YAP1: variants seen among roughly 807,000 people sequenced by gnomAD.
YAP1 encodes Yes1 associated transcriptional regulator.
Under a neutral mutation model 56.9 loss-of-function variants are expected in YAP1, and 5 were observed. The observed-to-expected ratio is 0.09, with a 90% CI of 0.05 to 0.18. The LOEUF is 0.18. YAP1 is among the 10% of genes least tolerant of loss of function. YAP1 has a pLI of 1.00. For missense variants in YAP1, 539 were observed against 651.8 expected (o/e 0.83, Z 1.88); for synonymous variants, 265 against 248.1 (o/e 1.07, Z -0.64).
intron 3 of YAP1, among the ~76,000 whole-genome samples, chr11:102,185,214 C>A (rs1456367741): frequency 6.6e-6 from 1 of 152,112 alleles, no homozygotes; most frequent in South Asian, 2.1e-4. Context: ...GTTATTTATT[C>A]TGGGCCTCTC....
intron 1 of YAP1, 88 bp downstream of exon 1, chr11:102,111,257 C>A: frequency 6.6e-7 from 1 of 1,518,486 alleles, no homozygotes; most frequent in South Asian, 1.2e-5. Flanking sequence ...CAGCTCTGGT[C>A]AGGGGAGGGG....
At chr11:102,185,970 G>T (rs201001462) in intron 3 of YAP1, 48 bp from the exon 4 acceptor site, 1,002 of 1,496,568 alleles carry the variant, frequency 6.7e-4, no homozygotes, top group Non-Finnish European at 8.2e-4. Flanking sequence ...TTTTTTTTAG[G>T]TGCACCAAAT....
intron 2 of YAP1, among the ~76,000 whole-genome samples, chr11:102,156,094 C>T (rs1403674375): frequency 6.6e-6 from 1 of 152,094 alleles, no homozygotes; most frequent in African/African-American, 2.4e-5. Context: ...AAAGATAATA[C>T]TGCCAATGTC....
At chr11:102,180,334 C>T (rs960502939) in intron 3 of YAP1, among the ~76,000 whole-genome samples, 3 of 151,938 alleles carry the variant, frequency 2.0e-5, no homozygotes, top group African/African-American at 7.3e-5. Context: ...AAAATATATA[C>T]TCCTGTGTTC....
chr11:102,175,955 A>T (rs1947223151), intron 3 of YAP1, among the ~76,000 whole-genome samples: 1 of 152,200 alleles, frequency 6.6e-6, no homozygotes, highest in Non-Finnish European at 1.5e-5. Flanking sequence ...TAAAAATCTT[A>T]GTAGTGTGGG....
At chr11:102,113,619 T>C (rs1943100334) in intron 1 of YAP1, among the ~76,000 whole-genome samples, 1 of 152,224 alleles carries the variant, frequency 6.6e-6, no homozygotes, top group African/African-American at 2.4e-5. Context: ...ATTTGTGTAA[T>C]TTGTTATGAT....
At chr11:102,114,531 T>C in intron 2 of YAP1, 137 bp downstream of exon 2, 2 of 1,087,594 alleles carry the variant, frequency 1.8e-6, no homozygotes, top group East Asian at 2.7e-5. Flanking sequence ...TGTAGCTCTA[T>C]CTTCCATATA....
At chr11:102,127,246 A>G (rs909336519) in intron 2 of YAP1, among the ~76,000 whole-genome samples, 5 of 152,230 alleles carry the variant, frequency 3.3e-5, no homozygotes, top group African/African-American at 1.2e-4. Context: ...TCTCCAGGCC[A>G]TGTCAGAGAC....
chr11:102,158,349 G>A (rs1439942164), intron 2 of YAP1, among the ~76,000 whole-genome samples: 4 of 152,146 alleles, frequency 2.6e-5, no homozygotes, highest in Admixed American at 6.5e-5. Flanking sequence ...CTTTATCATG[G>A]ACACAAAATA....
Position 102,186,030 on chromosome 11 carries a change from A to C in YAP1, c.701A>C (p.Asp234Ala). ...TTCTGTATTATAGGTCCTCTTCCTG[A>C]TGGATGGGAACAAGCCATGACTCAG... ...MMNSASGPLP[D>A]GWEQAMTQDG... The change falls in exon 4 of 9, where the codon GAT becomes GCT. Residue 234 changes from aspartate (D) to alanine (A), a missense_variant. Asp to Ala is a moderately radical substitution (Grantham distance 126). Around this residue, in one of 4 missense-constraint regions of YAP1, gnomAD observed 414 missense variants for 512.4 expected, o/e 0.81. Coordinates refer to ENST00000282441, the MANE Select transcript of YAP1 (RefSeq NM_001130145.3). The C allele has an allele frequency of 6.3e-7, 1 of 1,593,542 alleles. No homozygotes were observed. Among genetic ancestry groups the C allele is most frequent in the Non-Finnish European group, 8.5e-7 (1 of 1,173,390 alleles).
At chr11:102,180,420 C>CG (rs1228840974) in intron 3 of YAP1, among the ~76,000 whole-genome samples, 1 of 151,922 alleles carries the variant, frequency 6.6e-6, no homozygotes, top group African/African-American at 2.4e-5. Flanking sequence ...TGGTGGCTCA[C>CG]GCCTGTAATC....
chr11:102,215,990 T>C (rs984187354), intron 6 of YAP1, among the ~76,000 whole-genome samples: 1 of 152,130 alleles, frequency 6.6e-6, no homozygotes, highest in African/African-American at 2.4e-5. Flanking sequence ...AACCTCTGCC[T>C]CCCATACAAG....
At chr11:102,182,398 G>T (rs1231883536) in intron 3 of YAP1, among the ~76,000 whole-genome samples, 1 of 152,058 alleles carries the variant, frequency 6.6e-6, no homozygotes, top group East Asian at 1.9e-4. Flanking sequence ...TAACCTTCCT[G>T]CATCCTAACC....
At chr11:102,152,727 G>A (rs1248994192) in intron 2 of YAP1, among the ~76,000 whole-genome samples, 1 of 152,164 alleles carries the variant, frequency 6.6e-6, no homozygotes, top group East Asian at 1.9e-4. Context: ...GATTATGCCT[G>A]GAACATAGCT....
At chr11:102,218,869 T>C (rs1342004733) in intron 6 of YAP1, among the ~76,000 whole-genome samples, 2 of 152,134 alleles carry the variant, frequency 1.3e-5, no homozygotes, top group African/African-American at 4.8e-5. Context: ...AAAGTAAAAA[T>C]TTCACGGCTT....
intron 2 of YAP1, among the ~76,000 whole-genome samples, chr11:102,115,525 A>G (rs1472966326): frequency 1.3e-5 from 2 of 152,150 alleles, no homozygotes; most frequent in African/African-American, 2.4e-5. Context: ...AGAGCAAAGG[A>G]AAAGGTTTGA....
chr11:102,112,294 T>C (rs1319461435), intron 1 of YAP1: 1 of 650,852 alleles, frequency 1.5e-6, no homozygotes, highest in South Asian at 6.9e-5. Flanking sequence ...ATACACAATG[T>C]TCGATTATTG....
chr11:102,179,150 C>T (rs1396974704), intron 3 of YAP1, among the ~76,000 whole-genome samples: 1 of 150,544 alleles, frequency 6.6e-6, no homozygotes, highest in Non-Finnish European at 1.5e-5. Context: ...AACCATGTCA[C>T]CCTCTTTACG....
intron 2 of YAP1, among the ~76,000 whole-genome samples, chr11:102,138,787 G>A (rs745375562): frequency 1.3e-5 from 2 of 152,180 alleles, no homozygotes; most frequent in Non-Finnish European, 1.5e-5. Flanking sequence ...ATCAAGTTAT[G>A]TACGTGTATG....
Sources: allele counts gnomAD v4.1 joint callset (sites outside exome capture counted in the v4.1 genomes callset), GRCh38; gene constraint gnomAD v4.1.1; regional missense constraint gnomAD v4.1.1; transcripts MANE v1.5; gene names NCBI Gene and HGNC (gene_info 2026-07-23, HGNC 2026-07-21).